The following ACOT7 variants were observed in gnomAD, a reference collection of about 807,000 sequenced individuals.
ACOT7 encodes cytosolic acyl coenzyme A thioester hydrolase.
ACOT7 carries 12 observed loss-of-function variants against 40.2 expected under a neutral mutation model. That is an observed-to-expected ratio of 0.30 (90% CI 0.19 to 0.48). The LOEUF (loss-of-function observed/expected upper bound fraction) is 0.48, where lower values mean the gene tolerates loss of function less well. Among genes scored for constraint, ACOT7 ranks in the 20% least tolerant of loss-of-function variants. The probability of loss-of-function intolerance (pLI) is 0.99; values close to 1 mark genes in which losing one functional copy is unlikely to be tolerated. For synonymous variants in ACOT7, 228 were observed against 219.5 expected (o/e 1.04, Z -0.34); for missense variants, 395 against 530.8 (o/e 0.74, Z 2.51).
intron 1 of ACOT7, 105 bp from the exon 2 acceptor site, chr1:6,349,971 C>G: frequency 9.0e-7 from 1 of 1,111,860 alleles, no homozygotes. Context: ...CAATGGCTCC[C>G]GGAGGAAAGA....
chr1:6,316,901 C>A (rs1456688750), intron 6 of ACOT7, among the ~76,000 whole-genome samples: 7 of 152,194 alleles, frequency 4.6e-5, no homozygotes, highest in Admixed American at 4.6e-4. Flanking sequence ...CCCTTTGACT[C>A]TCTGTGGGTG....
At chr1:6,340,248 G>GCGCCACCT (rs1641239373) in intron 2 of ACOT7, among the ~76,000 whole-genome samples, 1 of 152,146 alleles carries the variant, frequency 6.6e-6, no homozygotes, top group African/African-American at 2.4e-5. Flanking sequence ...TTACAGGCAT[G>GCGCCACCT]AGCCACCGCG....
chr1:6,279,625 C>G (rs1557628757), intron 8 of ACOT7, among the ~76,000 whole-genome samples: 1 of 152,226 alleles, frequency 6.6e-6, no homozygotes, highest in Non-Finnish European at 1.5e-5. Flanking sequence ...GCCGAGTCCT[C>G]CTCATCCATC....
At chr1:6,292,757 C>T (rs2148393224) in intron 7 of ACOT7, among the ~76,000 whole-genome samples, 1 of 151,240 alleles carries the variant, frequency 6.6e-6, no homozygotes, top group African/African-American at 2.4e-5. Context: ...TCTTGGCTCG[C>T]TGCAACCTCC....
Position 6,385,493 on chromosome 1 carries a change from C to T in ACOT7, c.143+7764G>A, listed in dbSNP as rs770093912. 2.5e-6 allele frequency: 4 copies of T among 1,607,446 alleles called. No individual in the cohort carries two copies. In the South Asian group the frequency reaches 4.4e-5, roughly 18 times the overall value. On this transcript the variant is annotated intron_variant, in intron 1 of 8. Coordinates refer to ENST00000361521, the MANE Select transcript of ACOT7 (RefSeq NM_007274.4). ...GCACAAAATATTCCCAGTCATCCTA[C>T]CTTCCAGTAATGCAGGCTCCACAGG...
At chr1:6,287,384 T>C (rs1304996282) in intron 7 of ACOT7, among the ~76,000 whole-genome samples, 1 of 152,230 alleles carries the variant, frequency 6.6e-6, no homozygotes, top group Non-Finnish European at 1.5e-5. Flanking sequence ...TGTGAACAGC[T>C]TCCTTAACCC....
At chr1:6,309,448 G>A (rs1640270556) in intron 6 of ACOT7, among the ~76,000 whole-genome samples, 1 of 152,060 alleles carries the variant, frequency 6.6e-6, no homozygotes, top group African/African-American at 2.4e-5. Context: ...CCTTCCTGTG[G>A]GTGGATTTTG....
chr1:6,381,732 G>A (rs908440782), intron 1 of ACOT7, among the ~76,000 whole-genome samples: 1 of 151,894 alleles, frequency 6.6e-6, no homozygotes, highest in African/African-American at 2.4e-5. Context: ...GTTCATAGCA[G>A]CATTATTCAC....
At chr1:6,328,518 C>G (rs1640867406) in intron 4 of ACOT7, among the ~76,000 whole-genome samples, 1 of 151,952 alleles carries the variant, frequency 6.6e-6, no homozygotes, top group Non-Finnish European at 1.5e-5. Flanking sequence ...CCCGCCTCTA[C>G]TAAAAATACC....
intron 2 of ACOT7, among the ~76,000 whole-genome samples, chr1:6,343,063 C>T (rs1162702786): frequency 6.6e-6 from 1 of 152,178 alleles, no homozygotes; most frequent in Non-Finnish European, 1.5e-5. Context: ...TCAGGCTTCC[C>T]AGGGCGGGCA....
intron 6 of ACOT7, among the ~76,000 whole-genome samples, chr1:6,308,495 A>AGGCAGAGGGAACTACAACCG (rs1286773842): frequency 6.7e-6 from 1 of 149,350 alleles, no homozygotes; most frequent in Non-Finnish European, 1.5e-5. Context: ...AACCACAACC[A>AGGCAGAGGGAACTACAACCG]GGCAGAGGGA....
intron 3 of ACOT7, among the ~76,000 whole-genome samples, chr1:6,339,114 C>T (rs1641189574): frequency 6.6e-6 from 1 of 152,160 alleles, no homozygotes; most frequent in African/African-American, 2.4e-5. Flanking sequence ...CCTCACAGCC[C>T]GCGCCCAGCC....
intron 8 of ACOT7, 133 bp from the exon 9 acceptor site, chr1:6,264,828 C>T: frequency 4.5e-6 from 4 of 895,536 alleles, no homozygotes; most frequent in East Asian, 2.8e-5. Context: ...GAGTACCACG[C>T]CTCGGCCCCG....
chr1:6,353,710 G>C (rs1424859603), intron 1 of ACOT7, among the ~76,000 whole-genome samples: 2 of 152,204 alleles, frequency 1.3e-5, no homozygotes, highest in East Asian at 3.8e-4. Flanking sequence ...TAAAAATAAA[G>C]AAAGACACAG....
intron 1 of ACOT7, among the ~76,000 whole-genome samples, chr1:6,367,182 G>C (rs565151356): frequency 6.8e-6 from 1 of 147,938 alleles, no homozygotes; most frequent in East Asian, 2.0e-4. Context: ...CTGGGCGACA[G>C]AGCGAGACTC....
At chr1:6,385,498 CAGT>C in intron 1 of ACOT7, 1 of 1,608,482 alleles carries the variant, frequency 6.2e-7, no homozygotes, top group Non-Finnish European at 8.5e-7. Context: ...TCCTACCTTC[CAGT>C]AATGCAGGCT....
chr1:6,301,004 C>T lies in ACOT7; in HGVS notation c.713-6024G>A, dbSNP rs534585723. Among the ~76,000 whole-genome samples, 1 of 152,316 alleles carries T rather than the reference C, an allele frequency of 6.6e-6. No individual in the cohort carries two copies. The highest frequency in any genetic ancestry group is 1.9e-4 in the East Asian group (1 of 5,186). Reference sequence around the variant, plus strand: ...TGACCTTGGGCCACCAGAGGCAATGCCATGTTGCCTCCCCATCCTGTCCTG... The same window carrying T: ...TGACCTTGGGCCACCAGAGGCAATGTCATGTTGCCTCCCCATCCTGTCCTG... On this transcript the variant is annotated intron_variant, in intron 6 of 8. Coordinates refer to ENST00000361521, the MANE Select transcript of ACOT7 (RefSeq NM_007274.4). The surrounding 1 kb of genome is among the most constrained non-coding windows in gnomAD (Gnocchi z 4.1).
At chr1:6,276,408 G>A (rs949659813) in intron 8 of ACOT7, among the ~76,000 whole-genome samples, 2 of 152,112 alleles carry the variant, frequency 1.3e-5, no homozygotes, top group Admixed American at 1.3e-4. Context: ...CGCTGAGTTG[G>A]CCTCTTCTAA....
chr1:6,308,528 C>A, intron 6 of ACOT7, among the ~76,000 whole-genome samples: 1 of 148,266 alleles, frequency 6.7e-6, no homozygotes, highest in Middle Eastern at 3.7e-3. Context: ...CAGAGGGAAC[C>A]ACAACAGGCA....
Sources: gnomAD v4.1 joint callset for allele counts (sites outside exome capture counted in the v4.1 genomes callset) on GRCh38, gnomAD v4.1.1 for gene constraint, Gnocchi (gnomAD v3.1) non-coding constraint, MANE v1.5 for transcripts, NCBI Gene and HGNC (gene_info 2026-07-23, HGNC 2026-07-21) for gene names.